The following BNC2 variants were observed in gnomAD, a reference collection of about 807,000 sequenced individuals.
BNC2 encodes basonuclin zinc finger protein 2, also known as zinc finger protein basonuclin-2.
BNC2 carries 20 observed loss-of-function variants against 76.3 expected under a neutral mutation model. The observed-to-expected ratio is 0.26, with a 90% CI of 0.18 to 0.38. BNC2 has a LOEUF of 0.38. Ranked by LOEUF, BNC2 falls within the 10% of genes least tolerant of loss-of-function variation. The pLI, the probability that BNC2 is intolerant of heterozygous loss-of-function variation, is 1.00. For synonymous variants in BNC2, 582 were observed against 514.8 expected (o/e 1.13, Z -1.77); for missense variants, 1,382 against 1,399.8 (o/e 0.99, Z 0.20).
At position 16,419,001 on chromosome 9, in the gene BNC2, A is replaced by T; in HGVS notation, c.3288T>A (p.Thr1096=). The T allele has an allele frequency of 1.2e-6, 2 of 1,614,100 alleles. No individual in the cohort carries two copies. The highest frequency in any genetic ancestry group is 1.7e-6 in the Non-Finnish European group (2 of 1,180,042). The change falls in exon 7 of 7, where the codon ACT becomes ACA. Residue 1096 remains threonine, a synonymous_variant. Coordinates refer to ENST00000380672, the MANE Select transcript of BNC2 (RefSeq NM_017637.6). ...NPNLHKNIPF[T]SVD is the part of the protein sequence containing the mutation. ...GTCCATTCTGAGACTAATCTACTGA[A>T]GTGAAGGGAATGTTTTTGTGGAGAT...
At chr9:16,455,073 A>C (rs79013222) in intron 5 of BNC2, among the ~76,000 whole-genome samples, 2,220 of 152,364 alleles carry the variant, frequency 0.015, 39 homozygotes, top group African/African-American at 0.042. Context: ...ACGGAGCCCC[A>C]GGTGCAAATG....
intron 1 of BNC2, among the ~76,000 whole-genome samples, chr9:16,866,863 C>T (rs1367295676): frequency 6.6e-6 from 1 of 152,012 alleles, no homozygotes. Context: ...TAATTCCCAT[C>T]CAACAGGAAA....
At chr9:16,502,149 G>C (rs1027050014) in intron 5 of BNC2, among the ~76,000 whole-genome samples, 22 of 152,090 alleles carry the variant, frequency 1.4e-4, no homozygotes, top group Non-Finnish European at 1.8e-4. Flanking sequence ...GATAACTTGA[G>C]GGTAGGAGTT....
intron 3 of BNC2, among the ~76,000 whole-genome samples, chr9:16,635,356 T>A (rs965871067): frequency 6.6e-6 from 1 of 152,260 alleles, no homozygotes; most frequent in Admixed American, 6.5e-5. Flanking sequence ...ATTTTGTTTA[T>A]TTACTTTATA....
intron 1 of BNC2, among the ~76,000 whole-genome samples, chr9:16,794,688 A>G (rs1817598889): frequency 6.6e-6 from 1 of 152,222 alleles, no homozygotes; most frequent in Admixed American, 6.5e-5. Context: ...AGTAAATCAA[A>G]GGGCTTTTAA....
At chr9:16,574,652 C>T (rs1305229759) in intron 4 of BNC2, among the ~76,000 whole-genome samples, 1 of 152,094 alleles carries the variant, frequency 6.6e-6, no homozygotes, top group Non-Finnish European at 1.5e-5. Context: ...ATAGTTTCAT[C>T]CCAACACATT....
chr9:16,521,572 C>T (rs372732485), intron 5 of BNC2, among the ~76,000 whole-genome samples: 4 of 152,204 alleles, frequency 2.6e-5, no homozygotes, highest in African/African-American at 9.7e-5. Context: ...GTAATGTACT[C>T]TTCTGAGGGA....
chr9:16,451,749 G>A (rs1363182386), intron 5 of BNC2, among the ~76,000 whole-genome samples: 4 of 152,022 alleles, frequency 2.6e-5, no homozygotes, highest in Admixed American at 2.0e-4. Flanking sequence ...AAAATGACCT[G>A]CCCCTTCAGT....
chr9:16,847,605 G>A (rs1206338738), intron 1 of BNC2, among the ~76,000 whole-genome samples: 4 of 152,076 alleles, frequency 2.6e-5, no homozygotes, highest in Non-Finnish European at 5.9e-5. Context: ...ATACAAGGTA[G>A]TATAACTTAA....
At chr9:16,745,921 T>C (rs1824987966) in intron 1 of BNC2, among the ~76,000 whole-genome samples, 1 of 152,106 alleles carries the variant, frequency 6.6e-6, no homozygotes, top group Non-Finnish European at 1.5e-5. Flanking sequence ...AGACCTTTTT[T>C]GAAAAGAAAA....
intron 3 of BNC2, among the ~76,000 whole-genome samples, chr9:16,633,983 A>G (rs1274535400): frequency 1.3e-5 from 2 of 152,192 alleles, no homozygotes; most frequent in Non-Finnish European, 2.9e-5. Flanking sequence ...GTCACAATCC[A>G]TGTAAATGTG....
At chr9:16,573,913 C>T (rs1053904149) in intron 4 of BNC2, among the ~76,000 whole-genome samples, 1 of 152,160 alleles carries the variant, frequency 6.6e-6, no homozygotes, top group African/African-American at 2.4e-5. Context: ...CATTTTAGGG[C>T]TCCCAGAATA....
chr9:16,862,008 G>C (rs1309639776), intron 1 of BNC2, among the ~76,000 whole-genome samples: 8 of 148,816 alleles, frequency 5.4e-5, no homozygotes, highest in African/African-American at 1.7e-4. Context: ...AAAAAAAAAA[G>C]ACACATAACA....
intron 3 of BNC2, among the ~76,000 whole-genome samples, chr9:16,643,402 TAA>T (rs957322521): frequency 1.2e-4 from 18 of 152,020 alleles, no homozygotes; most frequent in African/African-American, 4.3e-4. Flanking sequence ...TTACTTTCTG[TAA>T]GTCTCAGCAA....
chr9:16,470,123 G>A (rs933185995), intron 5 of BNC2, among the ~76,000 whole-genome samples: 4 of 150,022 alleles, frequency 2.7e-5, no homozygotes, highest in African/African-American at 9.9e-5. Context: ...TCAGCCTCCT[G>A]AGTAGCTGGG....
intron 5 of BNC2, among the ~76,000 whole-genome samples, chr9:16,528,255 C>G (rs903557647): frequency 1.3e-5 from 2 of 151,994 alleles, no homozygotes; most frequent in Non-Finnish European, 2.9e-5. Flanking sequence ...TTGAATATAA[C>G]TTTTTCTCTT....
intron 5 of BNC2, among the ~76,000 whole-genome samples, chr9:16,462,993 T>C (rs1821618062): frequency 6.6e-6 from 1 of 152,126 alleles, no homozygotes; most frequent in Admixed American, 6.6e-5. Context: ...GAACTGATCA[T>C]TTCCCCCGCA....
At chr9:16,511,185 C>A (rs1349147369) in intron 5 of BNC2, among the ~76,000 whole-genome samples, 1 of 147,844 alleles carries the variant, frequency 6.8e-6, no homozygotes, top group Non-Finnish European at 1.5e-5. Context: ...TCATACCTCA[C>A]TACAGCCTCA....
At chr9:16,656,761 T>C (rs1821942508) in intron 3 of BNC2, among the ~76,000 whole-genome samples, 1 of 152,198 alleles carries the variant, frequency 6.6e-6, no homozygotes, top group South Asian at 2.1e-4. Context: ...GTAGGCAATA[T>C]GTTGTACAGC....
Sources: allele counts gnomAD v4.1 joint callset (sites outside exome capture counted in the v4.1 genomes callset), GRCh38; gene constraint gnomAD v4.1.1; transcripts MANE v1.5; gene names NCBI Gene and HGNC (gene_info 2026-07-23, HGNC 2026-07-21).